Variants in GNAO1 observed in about 807,000 individuals in gnomAD.
GNAO1 encodes guanine nucleotide-binding protein G(o) subunit alpha.
For synonymous variants in GNAO1, 164 were observed against 180.7 expected, an observed-to-expected ratio of 0.91 and a Z score of 0.74; for missense variants, 166 against 478.7, an observed-to-expected ratio of 0.35 and a Z score of 6.10.
Position 56,208,458 on chromosome 16 carries a change from C to T in GNAO1, c.161+15842C>T, listed in dbSNP as rs989772559. On this transcript the variant is annotated intron_variant, in intron 2 of 8. Transcript: ENST00000262493. ...GTGTGTGTGTGTGTGTGCGCGCGCGCGCACGTGTGTGTGTGTGTATTCTGG... is the reference window on the plus strand; with the variant it reads ...GTGTGTGTGTGTGTGTGCGCGCGCGTGCACGTGTGTGTGTGTGTATTCTGG... 1.7e-4 allele frequency among the ~76,000 whole-genome samples: 22 copies of T among 126,520 alleles called. 1 individual carries two copies. Among genetic ancestry groups the T allele is most frequent in the African/African-American group, 5.5e-4 (18 of 32,882 alleles). 83.0% of individuals were successfully genotyped at this position (126,520 alleles called of 152,430 possible). A position where few individuals can be genotyped will look rare whatever the true frequency, so the allele number is the denominator to read the frequency against.
chr16:56,345,317 C>T (rs2241955), intron 6 of GNAO1: 51,083 of 985,340 alleles, frequency 0.052, 1,319 homozygotes, highest in East Asian at 0.063. Context: ...GAGGAGGGTA[C>T]CCACTGACAG....
intron 2 of GNAO1, among the ~76,000 whole-genome samples, chr16:56,213,065 G>A (rs8056845): frequency 0.14 from 21,311 of 152,202 alleles, 1,997 homozygotes; most frequent in African/African-American, 0.26. Flanking sequence ...GGCAGAACTC[G>A]GAGTCTCACA....
intron 2 of GNAO1, among the ~76,000 whole-genome samples, chr16:56,224,734 T>C (rs1187850229): frequency 2.6e-5 from 4 of 152,214 alleles, no homozygotes; most frequent in African/African-American, 4.8e-5. Context: ...ACCAAAGTGT[T>C]GGGATTACAG....
rs1460379822 is a variant in GNAO1 at position 56,354,993 on chromosome 16, G to T, written c.1005G>T (p.Val335=). The change falls in exon 8 of 9, where the codon GTG becomes GTT. Residue 335 remains valine, a synonymous_variant. Transcript: ENST00000262493. The surrounding 1 kb of genome is among the most constrained non-coding windows in gnomAD (Gnocchi z 4.3). ...CATDTNNIQV[V]FDAVTDIIIA... is the part of the protein sequence containing the mutation. ...CAGACACGAATAACATCCAGGTGGT[G>T]TTCGACGCCGTCACCGACATCATCA... is the stretch of plus-strand genomic sequence containing the variant. 6.2e-7 allele frequency: 1 copy of T among 1,613,558 alleles called. No homozygotes were observed. Among genetic ancestry groups the T allele is most frequent in the African/African-American group, 1.3e-5 (1 of 74,902 alleles).
intron 2 of GNAO1, among the ~76,000 whole-genome samples, chr16:56,209,542 G>A (rs112601850): frequency 0.011 from 1,719 of 152,144 alleles, 13 homozygotes; most frequent in Middle Eastern, 0.034. Flanking sequence ...GTATTTATTC[G>A]AATCCACTAC....
intron 4 of GNAO1, among the ~76,000 whole-genome samples, chr16:56,329,549 G>C (rs1274344465): frequency 6.6e-6 from 1 of 152,194 alleles, no homozygotes; most frequent in East Asian, 1.9e-4. Context: ...TTGGCCTCTA[G>C]ATTGGAGGCT....
intron 2 of GNAO1, among the ~76,000 whole-genome samples, chr16:56,269,400 C>T (rs758756889): frequency 7.2e-5 from 11 of 152,174 alleles, no homozygotes; most frequent in East Asian, 1.9e-4. Flanking sequence ...AGACGCGGGA[C>T]GCCTGACTGA....
At chr16:56,339,813 A>G (rs1199328442) in intron 6 of GNAO1, 2 of 152,310 alleles carry the variant, frequency 1.3e-5, no homozygotes, top group African/African-American at 2.4e-5. Flanking sequence ...GTTCTGAGAG[A>G]CCCTCCAAGC....
At chr16:56,340,973 T>G in intron 6 of GNAO1, 1 of 1,613,842 alleles carries the variant, frequency 6.2e-7, no homozygotes, top group Non-Finnish European at 8.5e-7. Context: ...ACCATCTGCT[T>G]TCCTGAATAT....
chr16:56,354,807 C>A lies in GNAO1; in HGVS notation c.878-59C>A. 1 of 1,061,608 alleles carries A rather than the reference C, an allele frequency of 9.4e-7. No homozygotes were observed. The highest frequency in any genetic ancestry group is 1.4e-5 in the South Asian group (1 of 73,724). 65.8% of individuals were successfully genotyped at this position (1,061,608 alleles called of 1,614,324 possible). On this transcript the variant is annotated intron_variant, in intron 7 of 8. Transcript: ENST00000262493. The surrounding 1 kb of genome is among the most constrained non-coding windows in gnomAD (Gnocchi z 4.3). The stretch of plus-strand genomic sequence containing the variant: ...CCACTTCTTGTCTTCATGTCCCCAG[C>A]CCTGTCCACCCACAGCGCTCATCAG...
intron 5 of GNAO1, among the ~76,000 whole-genome samples, chr16:56,335,433 A>G (rs2037731259): frequency 6.6e-6 from 1 of 152,204 alleles, no homozygotes; most frequent in African/African-American, 2.4e-5. Flanking sequence ...GTCCTGCTGC[A>G]GCGCTGTGTC....
intron 2 of GNAO1, among the ~76,000 whole-genome samples, chr16:56,275,244 G>A (rs1039235043): frequency 2.0e-5 from 3 of 152,208 alleles, no homozygotes; most frequent in African/African-American, 4.8e-5. Context: ...TCTCCTGCCC[G>A]GATCCTTGTC....
chr16:56,316,825 G>A (rs1328955241), intron 3 of GNAO1, among the ~76,000 whole-genome samples: 2 of 152,194 alleles, frequency 1.3e-5, no homozygotes, highest in African/African-American at 2.4e-5. Flanking sequence ...CCTCCAATCT[G>A]TGGGGAAGGA....
intron 3 of GNAO1, among the ~76,000 whole-genome samples, chr16:56,325,891 G>C: frequency 6.6e-6 from 1 of 152,216 alleles, no homozygotes; most frequent in East Asian, 1.9e-4. Context: ...GGGGACGCTT[G>C]TCTCAGTGAT....
chr16:56,315,652 C>G (rs1476620185), intron 3 of GNAO1, among the ~76,000 whole-genome samples: 1 of 152,096 alleles, frequency 6.6e-6, no homozygotes, highest in Admixed American at 6.5e-5. Flanking sequence ...GAGCTTTGGA[C>G]AGACAGCGTC....
chr16:56,265,991 G>A (rs2036949490), intron 2 of GNAO1, among the ~76,000 whole-genome samples: 1 of 152,102 alleles, frequency 6.6e-6, no homozygotes, highest in Non-Finnish European at 1.5e-5. Flanking sequence ...CCCTCTGCCT[G>A]TTGCGTTCTT....
intron 2 of GNAO1, among the ~76,000 whole-genome samples, chr16:56,197,860 A>C (rs2036248135): frequency 6.6e-6 from 1 of 152,194 alleles, no homozygotes; most frequent in Non-Finnish European, 1.5e-5. Flanking sequence ...TGGAGATTTA[A>C]TATGAGTAGA....
chr16:56,329,684 T>C (rs191726941), intron 4 of GNAO1, among the ~76,000 whole-genome samples: 149 of 152,342 alleles, frequency 9.8e-4, no homozygotes, highest in Middle Eastern at 3.4e-3. Context: ...TACCCATACA[T>C]TCAGTGGGGG....
At chr16:56,322,267 C>G (rs1414994027) in intron 3 of GNAO1, among the ~76,000 whole-genome samples, 1 of 152,190 alleles carries the variant, frequency 6.6e-6, no homozygotes, top group Non-Finnish European at 1.5e-5. Flanking sequence ...GCCCAGAGAA[C>G]ATGCATGTGT....
Sources: allele counts gnomAD v4.1 joint callset (sites outside exome capture counted in the v4.1 genomes callset), GRCh38; gene constraint gnomAD v4.1.1; non-coding constraint Gnocchi (gnomAD v3.1); transcripts MANE v1.5; gene names NCBI Gene and HGNC (gene_info 2026-07-23, HGNC 2026-07-21).